Variants in SLIT2 observed in about 807,000 individuals in gnomAD.
SLIT2 encodes the protein slit homolog 2 protein.
Under a neutral mutation model 185.7 loss-of-function variants are expected in SLIT2, and 41 were observed. That is an observed-to-expected ratio of 0.22 (90% CI 0.17 to 0.29). The LOEUF (loss-of-function observed/expected upper bound fraction) is 0.29, where lower values mean the gene tolerates loss of function less well. Ranked by LOEUF, SLIT2 falls within the 10% of genes least tolerant of loss-of-function variation. The probability of loss-of-function intolerance (pLI) is 1.00; values close to 1 mark genes in which losing one functional copy is unlikely to be tolerated. For missense variants in SLIT2, 1,571 were observed against 1,909.0 expected (o/e 0.82, Z 3.30); for synonymous variants, 693 against 680.2 (o/e 1.02, Z -0.29).
At chr4:20,424,616 A>C (rs1031345165) in intron 4 of SLIT2, among the ~76,000 whole-genome samples, 5 of 152,108 alleles carry the variant, frequency 3.3e-5, no homozygotes, top group African/African-American at 1.2e-4. Flanking sequence ...GATTCCATAG[A>C]AATCTATTTT....
intron 4 of SLIT2, among the ~76,000 whole-genome samples, chr4:20,343,443 T>G (rs774736594): frequency 4.2e-4 from 64 of 152,286 alleles, no homozygotes; most frequent in Middle Eastern, 6.8e-3. Flanking sequence ...CCATTGTGTA[T>G]GTATACGCAA....
rs1033867776 is a variant in SLIT2 at position 20,619,754 on chromosome 4, T to C, written c.*745T>C. On this transcript the variant is annotated 3_prime_UTR_variant, in exon 37 of 37. Coordinates refer to ENST00000504154, the MANE Select transcript of SLIT2 (RefSeq NM_004787.4). ...TTTCTATGAGTTCTAAACAGCCCTA[T>C]ACAGTATTCAGTTTCCATGAGAAAT... 3 of 152,138 alleles carry C rather than the reference T, an allele frequency of 2.0e-5. No individual in the cohort carries two copies. The highest frequency in any genetic ancestry group is 6.6e-5 in the Admixed American group (1 of 15,262). 9.4% of individuals were successfully genotyped at this position (152,138 alleles called of 1,614,324 possible).
At chr4:20,540,532 A>G (rs1327150257) in intron 19 of SLIT2, among the ~76,000 whole-genome samples, 2 of 152,152 alleles carry the variant, frequency 1.3e-5, no homozygotes, top group African/African-American at 4.8e-5. Flanking sequence ...AAGTAAAAAA[A>G]GCCACACACC....
chr4:20,570,756 T>TATGTATATATATATATATATAC (rs1560204579), intron 29 of SLIT2, among the ~76,000 whole-genome samples: 3 of 139,838 alleles, frequency 2.1e-5, no homozygotes, highest in Middle Eastern at 3.7e-3. Flanking sequence ...TATATATATA[T>TATGTATATATATATATATATAC]ATATATTTCC....
chr4:20,509,028 ATG>A (rs145331421), intron 9 of SLIT2, among the ~76,000 whole-genome samples: 2,233 of 150,484 alleles, frequency 0.015, 52 homozygotes, highest in African/African-American at 0.051. Context: ...GTGTGTGTGC[ATG>A]TGTGTGTGTG....
intron 4 of SLIT2, among the ~76,000 whole-genome samples, chr4:20,433,342 C>T (rs776030563): frequency 3.2e-4 from 48 of 152,164 alleles, no homozygotes; most frequent in Non-Finnish European, 6.5e-4. Flanking sequence ...TTGTTAGACA[C>T]AAAAGCAATT....
chr4:20,353,697 C>G (rs1276724458), intron 4 of SLIT2, among the ~76,000 whole-genome samples: 1 of 152,060 alleles, frequency 6.6e-6, no homozygotes, highest in East Asian at 1.9e-4. Flanking sequence ...AGATAGTGTC[C>G]CTTAAAAGAA....
intron 29 of SLIT2, chr4:20,573,157 C>A: frequency 5.7e-6 from 4 of 702,362 alleles, no homozygotes; most frequent in Non-Finnish European, 1.0e-5. Flanking sequence ...GTGAACGCTG[C>A]GCATTGGCTT....
intron 4 of SLIT2, among the ~76,000 whole-genome samples, chr4:20,462,862 G>A (rs983472504): frequency 3.3e-5 from 5 of 151,976 alleles, no homozygotes; most frequent in Admixed American, 6.6e-5. Context: ...GTCTCACATC[G>A]ACTACAATGA....
At chr4:20,325,598 C>T (rs1016204544) in intron 4 of SLIT2, among the ~76,000 whole-genome samples, 1 of 152,010 alleles carries the variant, frequency 6.6e-6, no homozygotes, top group African/African-American at 2.4e-5. Flanking sequence ...GAGAGCATAC[C>T]TAACGCATGT....
intron 4 of SLIT2, among the ~76,000 whole-genome samples, chr4:20,382,278 C>T (rs1724589216): frequency 1.3e-5 from 2 of 152,048 alleles, no homozygotes; most frequent in African/African-American, 4.8e-5. Flanking sequence ...AATGCTTTTC[C>T]TCCAAGTTCA....
intron 3 of SLIT2, among the ~76,000 whole-genome samples, chr4:20,261,478 C>T (rs1712466898): frequency 6.6e-6 from 1 of 151,766 alleles, no homozygotes; most frequent in Non-Finnish European, 1.5e-5. Flanking sequence ...CACTGGGACC[C>T]AGCAATGCTG....
At chr4:20,321,797 C>T (rs1719113579) in intron 4 of SLIT2, among the ~76,000 whole-genome samples, 1 of 152,156 alleles carries the variant, frequency 6.6e-6, no homozygotes, top group African/African-American at 2.4e-5. Flanking sequence ...AATTATCTGC[C>T]AGAATCATTT....
intron 32 of SLIT2, among the ~76,000 whole-genome samples, chr4:20,597,068 GTT>G (rs562211138): frequency 5.2e-5 from 7 of 135,052 alleles, no homozygotes; most frequent in Non-Finnish European, 9.7e-5. Context: ...TTGTTTTGTT[GTT>G]TTTTTTTTTT....
chr4:20,460,822 A>G (rs1713623460), intron 4 of SLIT2, among the ~76,000 whole-genome samples: 1 of 152,186 alleles, frequency 6.6e-6, no homozygotes, highest in Admixed American at 6.5e-5. Flanking sequence ...TGGAACCTAA[A>G]AATGTCAACT....
intron 4 of SLIT2, among the ~76,000 whole-genome samples, chr4:20,415,964 T>G (rs1560404051): frequency 6.6e-6 from 1 of 152,208 alleles, no homozygotes; most frequent in East Asian, 1.9e-4. Context: ...ACATAATAGA[T>G]ACTCAGTTAG....
intron 11 of SLIT2, among the ~76,000 whole-genome samples, chr4:20,512,733 C>T (rs899851509): frequency 1.3e-5 from 2 of 152,124 alleles, no homozygotes; most frequent in Non-Finnish European, 2.9e-5. Flanking sequence ...CATGTCAGTT[C>T]CTGATTCTCC....
chr4:20,561,827 A>G (rs536012476), intron 26 of SLIT2, among the ~76,000 whole-genome samples: 14 of 151,750 alleles, frequency 9.2e-5, no homozygotes, highest in Non-Finnish European at 1.3e-4. Flanking sequence ...CTTTTATTAT[A>G]CTTTTTAAAA....
intron 11 of SLIT2, 86 bp downstream of exon 11, chr4:20,511,223 C>A (rs1162453174): frequency 2.8e-6 from 2 of 725,340 alleles, no homozygotes; most frequent in East Asian, 5.1e-5. Flanking sequence ...AAAAAATGCT[C>A]TCAGGTTTTT....
Sources: allele counts gnomAD v4.1 joint callset (sites outside exome capture counted in the v4.1 genomes callset), GRCh38; gene constraint gnomAD v4.1.1; transcripts MANE v1.5; gene names NCBI Gene and HGNC (gene_info 2026-07-23, HGNC 2026-07-21).